The following SNX30 variants were observed in gnomAD, a reference collection of about 807,000 sequenced individuals.
The protein encoded by SNX30 is sorting nexin-30.
In SNX30, 24 loss-of-function variants were observed where a neutral mutation model predicts 46.4. That is an observed-to-expected ratio of 0.52 (90% confidence interval 0.37 to 0.73). The LOEUF is 0.73. Ranked by LOEUF, SNX30 falls within the 30% of genes least tolerant of loss-of-function variation. The probability of loss-of-function intolerance (pLI) is 0.00; values close to 1 mark genes in which losing one functional copy is unlikely to be tolerated. For synonymous variants in SNX30, 189 were observed against 211.5 expected, an observed-to-expected ratio of 0.89 and a Z score of 0.92; for missense variants, 533 against 555.7, an observed-to-expected ratio of 0.96 and a Z score of 0.41.
At position 112,836,272 on chromosome 9, in the gene SNX30, T is replaced by C; in HGVS notation, c.677T>C (p.Val226Ala). The change falls in exon 5 of 9, where the codon GTC (valine) becomes GCC (alanine). Residue 226 changes from valine to alanine, a missense_variant. By Grantham distance (64) the Val-to-Ala change is moderately conservative. Transcript: ENST00000374232. Reference protein sequence around the residue: ...IALLTRMGESVKHVTGGYKLR... With the variant: ...IALLTRMGESAKHVTGGYKLR... ...TTGCTGACCAGAATGGGCGAGTCAG[T>C]CAAGCACGTCACTGGCGGCTACAAG... The C allele has an allele frequency of 1.2e-6, 2 of 1,612,878 alleles. No homozygotes were observed. Among genetic ancestry groups the C allele is most frequent in the Non-Finnish European group, 1.7e-6 (2 of 1,178,880 alleles).
At chr9:112,865,008 C>CAT (rs60640473) in intron 8 of SNX30, among the ~76,000 whole-genome samples, 105,848 of 148,234 alleles carry the variant, frequency 0.71, 38,548 homozygotes, top group Non-Finnish European at 0.79. Flanking sequence ...CACACACCCA[C>CAT]ACACCCCACT....
intron 4 of SNX30, among the ~76,000 whole-genome samples, chr9:112,831,974 A>G (rs1278733769): frequency 6.6e-6 from 1 of 152,224 alleles, no homozygotes; most frequent in African/African-American, 2.4e-5. Flanking sequence ...ATTGTGGTCC[A>G]GATACTTTCT....
intron 7 of SNX30, among the ~76,000 whole-genome samples, chr9:112,854,228 C>A (rs1277188124): frequency 1.3e-5 from 2 of 152,246 alleles, no homozygotes; most frequent in African/African-American, 4.8e-5. Context: ...AGGCTTGGAG[C>A]AGTCTCGAGC....
intron 1 of SNX30, among the ~76,000 whole-genome samples, chr9:112,758,262 C>T (rs1311059940): frequency 6.6e-6 from 1 of 152,168 alleles, no homozygotes; most frequent in Non-Finnish European, 1.5e-5. Context: ...TCCTGACTTA[C>T]CCCTGTATCT....
In SNX30 at chr9:112,864,005, C is replaced by T. The variant is rs530180776; in HGVS notation, c.1102-242C>T. ...TGTGTAAATGGGGGTGTTTCCCCCACGAGTCTCTGTTGTGTTTGGATGGGT... is the reference window on the plus strand; with the variant it reads ...TGTGTAAATGGGGGTGTTTCCCCCATGAGTCTCTGTTGTGTTTGGATGGGT... On this transcript the variant is annotated intron_variant, in intron 7 of 8. Transcript: ENST00000374232. 9.8e-5 allele frequency among the ~76,000 whole-genome samples: 15 copies of T among 152,312 alleles called. No homozygotes were observed. In the East Asian group the frequency reaches 1.2e-3, roughly 12 times the overall value.
chr9:112,761,230 T>G (rs977705976), intron 1 of SNX30, among the ~76,000 whole-genome samples: 10 of 152,212 alleles, frequency 6.6e-5, no homozygotes, highest in African/African-American at 2.2e-4. Context: ...TGGTGTTACC[T>G]TGACTCACTG....
intron 1 of SNX30, among the ~76,000 whole-genome samples, chr9:112,789,690 T>C (rs974295587): frequency 6.6e-6 from 1 of 152,210 alleles, no homozygotes; most frequent in African/African-American, 2.4e-5. Flanking sequence ...AAGTGAATGT[T>C]AGTCTGGAGA....
chr9:112,817,760 A>G lies in SNX30; in HGVS notation c.404A>G (p.Asp135Gly). The change falls in exon 3 of 9, where the codon GAT (aspartate) becomes GGT (glycine). Residue 135 changes from aspartate (D) to glycine (G), a missense_variant. By Grantham distance (94) the Asp-to-Gly change is moderately conservative. Transcript: ENST00000374232. ...TATTCTGTTCGTCGAAGATACCAGG[A>G]TTTTGACTGGTTGAGGAGCAAACTG... ...PEYSVRRRYQDFDWLRSKLEE... is the reference protein window; with the variant it reads ...PEYSVRRRYQGFDWLRSKLEE... 1 of 1,613,930 alleles carries G rather than the reference A, an allele frequency of 6.2e-7. No individual in the cohort carries two copies.
At chr9:112,834,882 A>ACACACACC (rs56385707) in intron 4 of SNX30, among the ~76,000 whole-genome samples, 8,103 of 104,996 alleles carry the variant, frequency 0.077, 459 homozygotes, top group African/African-American at 0.12. Context: ...ACACACACAC[A>ACACACACC]CCTACCTCAA....
intron 1 of SNX30, among the ~76,000 whole-genome samples, chr9:112,798,107 G>GTTTT (rs58014041): frequency 1.4e-4 from 11 of 81,052 alleles, no homozygotes; most frequent in Non-Finnish European, 2.0e-4. Context: ...GTTGAGGTTT[G>GTTTT]TTTTTTTTTT....
chr9:112,871,763 ATGT>A lies in SNX30; in HGVS notation c.*2922_*2924del, dbSNP rs1191283087. 1 of 152,048 alleles carries A rather than the reference ATGT, an allele frequency of 6.6e-6. No individual in the cohort carries two copies. Among genetic ancestry groups the A allele is most frequent in the Non-Finnish European group, 1.5e-5 (1 of 68,018 alleles). 9.4% of individuals were successfully genotyped at this position (152,048 alleles called of 1,614,324 possible). A position where few individuals can be genotyped will look rare whatever the true frequency, so the allele number is the denominator to read the frequency against. On this transcript the variant is annotated 3_prime_UTR_variant, in exon 9 of 9. Transcript: ENST00000374232. ...TGAGCAGATTTTAGAGACGCAAATG[ATGT>A]TTAAGAGAGCCTTGTGATTTGTAGC...
chr9:112,847,614 T>G (rs983404292), intron 6 of SNX30, among the ~76,000 whole-genome samples: 1 of 152,232 alleles, frequency 6.6e-6, no homozygotes, highest in African/African-American at 2.4e-5. Context: ...AAAAAATCCT[T>G]CTTTGTCCAT....
intron 6 of SNX30, among the ~76,000 whole-genome samples, chr9:112,850,449 T>C (rs1194367137): frequency 6.6e-6 from 1 of 152,224 alleles, no homozygotes; most frequent in Non-Finnish European, 1.5e-5. Context: ...AGAGTTCTCT[T>C]AGACTTTAAG....
chr9:112,825,533 A>G (rs530793208), intron 3 of SNX30, among the ~76,000 whole-genome samples: 5 of 152,216 alleles, frequency 3.3e-5, no homozygotes, highest in Non-Finnish European at 5.9e-5. Context: ...GCCTCAAGCA[A>G]TCCTCCCAGC....
intron 3 of SNX30, among the ~76,000 whole-genome samples, chr9:112,820,111 A>G (rs1467144773): frequency 6.6e-6 from 1 of 152,226 alleles, no homozygotes; most frequent in Non-Finnish European, 1.5e-5. Context: ...TAGACACTAG[A>G]AGAGAATGGA....
intron 1 of SNX30, among the ~76,000 whole-genome samples, chr9:112,788,219 C>T (rs1197566301): frequency 6.6e-6 from 1 of 151,856 alleles, no homozygotes; most frequent in Admixed American, 6.6e-5. Context: ...AAGGTTTGGG[C>T]TGGGGTGATG....
At chr9:112,865,704 TATATACACAC>T (rs1186040922) in intron 8 of SNX30, among the ~76,000 whole-genome samples, 4 of 142,636 alleles carry the variant, frequency 2.8e-5, no homozygotes, top group Non-Finnish European at 4.6e-5. Context: ...TACACACATA[TATATACACAC>T]ATATACATAC....
intron 1 of SNX30, among the ~76,000 whole-genome samples, chr9:112,782,567 T>G (rs7039609): frequency 0.033 from 5,070 of 152,294 alleles, 273 homozygotes; most frequent in African/African-American, 0.11. Context: ...CTGACATTTA[T>G]TTTTGCATTT....
chr9:112,831,820 A>C (rs551398328), intron 4 of SNX30, among the ~76,000 whole-genome samples: 1 of 152,312 alleles, frequency 6.6e-6, no homozygotes, highest in Admixed American at 6.5e-5. Context: ...AGAAAACCTG[A>C]GGTGCTGTGC....
Sources: gnomAD v4.1 joint callset for allele counts (sites outside exome capture counted in the v4.1 genomes callset) on GRCh38, gnomAD v4.1.1 for gene constraint, MANE v1.5 for transcripts, NCBI Gene and HGNC (gene_info 2026-07-23, HGNC 2026-07-21) for gene names.